NFATC3: variants seen among roughly 807,000 people sequenced by gnomAD.
The protein encoded by NFATC3 is nuclear factor of activated T cells 3, also known as nuclear factor of activated T-cells, cytoplasmic 3.
A neutral mutation model predicts 98.6 loss-of-function variants in NFATC3; 46 were observed. That is an observed-to-expected ratio of 0.47 (90% CI 0.37 to 0.60). The LOEUF is 0.60. Among genes scored for constraint, NFATC3 ranks in the 20% least tolerant of loss-of-function variants. The pLI is 0.00. For missense variants in NFATC3, 1,256 were observed against 1,295.5 expected (o/e 0.97, Z 0.47); for synonymous variants, 512 against 472.2 (o/e 1.08, Z -1.09).
intron 6 of NFATC3, 68 bp from the exon 7 acceptor site, chr16:68,181,407 G>A: frequency 1.9e-6 from 2 of 1,060,208 alleles, no homozygotes; most frequent in Non-Finnish European, 1.5e-6. Flanking sequence ...TACTATCCAT[G>A]CATTAGATTT....
At chr16:68,195,377 A>G (rs1185551603) in intron 9 of NFATC3, among the ~76,000 whole-genome samples, 2 of 152,108 alleles carry the variant, frequency 1.3e-5, no homozygotes, top group Non-Finnish European at 2.9e-5. Flanking sequence ...CAGTAATTAC[A>G]GAGGGGGAAG....
chr16:68,211,186 C>G (rs2041373372), intron 9 of NFATC3, among the ~76,000 whole-genome samples: 1 of 149,576 alleles, frequency 6.7e-6, no homozygotes, highest in Non-Finnish European at 1.5e-5. Context: ...AATCGAAACT[C>G]TTTTTTCTTT....
intron 1 of NFATC3, among the ~76,000 whole-genome samples, chr16:68,108,147 C>T (rs1049835399): frequency 1.3e-5 from 2 of 152,082 alleles, no homozygotes; most frequent in African/African-American, 4.8e-5. Context: ...AATCTTTGCC[C>T]ATGCCTATGT....
rs531279100 is a variant in NFATC3, at chr16:68,085,671, G to A, written c.-11G>A. 1.3e-6 allele frequency: 2 copies of A among 1,511,360 alleles called. No individual in the cohort carries two copies. Among genetic ancestry groups the A allele is most frequent in the Non-Finnish European group, 1.8e-6 (2 of 1,132,090 alleles). 93.6% of individuals were successfully genotyped at this position (1,511,360 alleles called of 1,614,324 possible). ...GCCTGAGGAGGAGCTGCAGCACCCT[G>A]GGCCACGCCGATGACTACTGCAAAC... On this transcript the variant is annotated 5_prime_UTR_variant, in exon 1 of 10. Transcript: ENST00000346183.
chr16:68,117,239 T>G (rs914831488), intron 1 of NFATC3, among the ~76,000 whole-genome samples: 3 of 152,200 alleles, frequency 2.0e-5, no homozygotes, highest in Non-Finnish European at 4.4e-5. Flanking sequence ...TGAGCTAAGT[T>G]TTAGAAAGTT....
intron 6 of NFATC3, among the ~76,000 whole-genome samples, chr16:68,180,759 G>GT (rs779793706): frequency 2.6e-5 from 4 of 152,078 alleles, no homozygotes; most frequent in Admixed American, 6.6e-5. Flanking sequence ...GCGGTGTTTG[G>GT]TTTTTTGTCC....
In NFATC3 at chr16:68,122,479, C is replaced by T. The variant is rs762356076; in HGVS notation, c.596C>T (p.Ala199Val). 1.9e-6 allele frequency: 3 copies of T among 1,614,098 alleles called. No homozygotes were observed. The South Asian group carries it at 3.3e-5, about 18-fold the overall frequency. ...GATGTGGACTCAGAGTTGAATGAAG[C>T]TGCAGCCCGATTTACCCTTGGATCC... is the stretch of plus-strand genomic sequence containing the variant. The part of the protein sequence containing the change: ...YDDVDSELNE[A>V]AARFTLGSPL... The change falls in exon 2 of 10, where the codon GCT becomes GTT. Residue 199 changes from alanine (A) to valine (V), a missense_variant. Ala to Val is a moderately conservative substitution (Grantham distance 64). This residue lies in a region of NFATC3 where 464 missense variants were observed against 465.7 expected (regional missense o/e 1.00). Coordinates refer to ENST00000346183, the MANE Select transcript of NFATC3 (RefSeq NM_173165.3).
At chr16:68,225,816 G>C (rs984758653) in intron 9 of NFATC3, 1 of 152,182 alleles carries the variant, frequency 6.6e-6, no homozygotes, top group Admixed American at 6.5e-5. Flanking sequence ...ACAGAGCACT[G>C]TACCTCCCTG....
chr16:68,115,428 G>GT (rs1291169434), intron 1 of NFATC3, among the ~76,000 whole-genome samples: 18 of 151,388 alleles, frequency 1.2e-4, no homozygotes, highest in East Asian at 1.2e-3. Flanking sequence ...TTTTGTTTTT[G>GT]TTTTTTTTGA....
At chr16:68,156,198 C>G (rs1423792009) in intron 3 of NFATC3, among the ~76,000 whole-genome samples, 1 of 152,000 alleles carries the variant, frequency 6.6e-6, no homozygotes, top group Non-Finnish European at 1.5e-5. Context: ...GTAATCAATC[C>G]CAGCTTCTCG....
chr16:68,173,999 T>C (rs77364550), intron 5 of NFATC3, among the ~76,000 whole-genome samples: 2 of 151,694 alleles, frequency 1.3e-5, no homozygotes, highest in African/African-American at 4.8e-5. Context: ...AAAAAAAAAT[T>C]AGCTGAGCAT....
At position 68,122,181 on chromosome 16, in the gene NFATC3, T is replaced by G; in HGVS notation, c.298T>G (p.Leu100Val). The G allele has an allele frequency of 6.2e-7, 1 of 1,614,126 alleles. No homozygotes were observed. Among genetic ancestry groups the G allele is most frequent in the Non-Finnish European group, 8.5e-7 (1 of 1,180,022 alleles). ...CEIPESKYSP[L>V]GGPKPFECPS... ...GATTCCTGAATCTAAATATAGCCCA[T>G]TAGGTGGTCCCAAACCCTTTGAGTG... The change falls in exon 2 of 10, where the codon TTA becomes GTA. Residue 100 changes from leucine to valine, a missense_variant. Transcript: ENST00000346183.
chr16:68,099,515 C>T (rs1343324705), intron 1 of NFATC3, among the ~76,000 whole-genome samples: 4 of 151,476 alleles, frequency 2.6e-5, no homozygotes, highest in Admixed American at 6.6e-5. Context: ...ACAGGCGAAT[C>T]GCTTGAACCT....
At chr16:68,107,423 T>C (rs2035718568) in intron 1 of NFATC3, among the ~76,000 whole-genome samples, 1 of 152,164 alleles carries the variant, frequency 6.6e-6, no homozygotes, top group Non-Finnish European at 1.5e-5. Context: ...TCTTGACTTT[T>C]TAATGACTGC....
Position 68,226,607 on chromosome 16 carries a change from C to T in NFATC3, c.*136C>T. The stretch of plus-strand genomic sequence containing the variant: ...CACCATTTGTGGGGAAAGTAGCATT[C>T]CTCCACCTCAGGCCTTGGGTAGATT... On this transcript the variant is annotated 3_prime_UTR_variant, in exon 10 of 10. Transcript: ENST00000346183. 1 of 1,020,330 alleles carries T rather than the reference C, an allele frequency of 9.8e-7. No homozygotes were observed. The highest frequency in any genetic ancestry group is 1.4e-6 in the Non-Finnish European group (1 of 740,408). 63.2% of individuals were successfully genotyped at this position (1,020,330 alleles called of 1,614,324 possible). A position where few individuals can be genotyped will look rare whatever the true frequency, so the allele number is the denominator to read the frequency against.
chr16:68,221,471 AT>A, intron 9 of NFATC3: 6 of 1,297,454 alleles, frequency 4.6e-6, no homozygotes, highest in African/African-American at 1.5e-5. Flanking sequence ...CTTGAGCATG[AT>A]TTTTGTTGTC....
intron 8 of NFATC3, chr16:68,189,144 T>TA (rs2040335071): frequency 6.6e-6 from 1 of 152,266 alleles, no homozygotes; most frequent in Non-Finnish European, 1.5e-5. Flanking sequence ...ATTTTATTTC[T>TA]GGACTCTATT....
intron 9 of NFATC3, among the ~76,000 whole-genome samples, chr16:68,220,560 C>T (rs2041821597): frequency 6.6e-6 from 1 of 151,146 alleles, no homozygotes; most frequent in South Asian, 2.1e-4. Context: ...TAGGAAACCA[C>T]CTCACATACT....
In NFATC3 at chr16:68,187,820, C is replaced by T. The variant is rs145662353; in HGVS notation, c.2099-2948C>T. Among the ~76,000 whole-genome samples, 428 of 152,290 alleles carry T rather than the reference C, an allele frequency of 2.8e-3. 15 individuals carry two copies. In the East Asian group the frequency reaches 0.046, roughly 16 times the overall value. On this transcript the variant is annotated intron_variant, in intron 8 of 9. Coordinates refer to ENST00000346183, the MANE Select transcript of NFATC3 (RefSeq NM_173165.3). ...GGGCCCAGAAAAAGCACCGTAAGTT[C>T]GCACTCTGGTCTGTGGGACTGGCAG... is the stretch of plus-strand genomic sequence containing the variant.
Sources: gnomAD v4.1 joint callset for allele counts (sites outside exome capture counted in the v4.1 genomes callset) on GRCh38, gnomAD v4.1.1 for gene constraint, gnomAD v4.1.1 regional missense constraint, MANE v1.5 for transcripts, NCBI Gene and HGNC (gene_info 2026-07-23, HGNC 2026-07-21) for gene names.